DMD: variants seen among roughly 807,000 people sequenced by gnomAD.
The protein encoded by DMD is dystrophin.
A neutral mutation model predicts 330.1 loss-of-function variants in DMD; 63 were observed. The observed-to-expected ratio is 0.19, with a 90% CI of 0.16 to 0.24. The LOEUF (loss-of-function observed/expected upper bound fraction) is 0.24, where lower values mean the gene tolerates loss of function less well. Among genes scored for constraint, DMD ranks in the 10% least tolerant of loss-of-function variants. The pLI is 1.00. For missense variants in DMD, 3,344 were observed against 2,684.1 expected (o/e 1.25, Z -5.43); for synonymous variants, 1,223 against 959.8 (o/e 1.27, Z -5.07).
At chrX:31,626,694 C>T (rs1260031114) in intron 55 of DMD, among the ~76,000 whole-genome samples, 33 of 111,036 alleles carry the variant, frequency 3.0e-4, no homozygotes, top group Non-Finnish European at 1.1e-4. Context: ...AGAAGGAGAA[C>T]GATAGGAGGG....
intron 4 of DMD, among the ~76,000 whole-genome samples, chrX:32,841,174 G>A (rs977345655): frequency 1.8e-5 from 2 of 110,579 alleles, no homozygotes; most frequent in East Asian, 2.8e-4. Flanking sequence ...TATGATTCTT[G>A]AATTTGTGAA....
intron 7 of DMD, among the ~76,000 whole-genome samples, chrX:32,729,227 CGTAT>C (rs2067243190): frequency 1.8e-5 from 2 of 111,503 alleles, no homozygotes; most frequent in African/African-American, 6.5e-5. Flanking sequence ...ATGCTCAACT[CGTAT>C]GTATAATAAA....
At chrX:32,300,039 A>G (rs1452641905) in intron 42 of DMD, among the ~76,000 whole-genome samples, 2 of 111,932 alleles carry the variant, frequency 1.8e-5, no homozygotes, top group Admixed American at 1.9e-4. Context: ...TGTATATTCA[A>G]TAATGTTATC....
intron 42 of DMD, among the ~76,000 whole-genome samples, chrX:32,297,435 G>A (rs1384916921): frequency 2.7e-5 from 3 of 109,168 alleles, no homozygotes; most frequent in African/African-American, 6.7e-5. Context: ...CACCATGCCC[G>A]GCTAATTTTT....
At chrX:32,126,756 G>C (rs1432915609) in intron 44 of DMD, among the ~76,000 whole-genome samples, 1 of 111,860 alleles carries the variant, frequency 8.9e-6, no homozygotes, top group Non-Finnish European at 1.9e-5. Flanking sequence ...TGAGCACAAA[G>C]ATAAGTTGTG....
intron 30 of DMD, among the ~76,000 whole-genome samples, chrX:32,394,695 T>C (rs778746098): frequency 9.1e-6 from 1 of 109,725 alleles, no homozygotes; most frequent in East Asian, 2.9e-4. Flanking sequence ...TCAATAGCAA[T>C]TGTGGAGACT....
rs191423269 is a variant in DMD at position 33,015,193 on chromosome X, C to T, written c.93+4946G>A. 7.3e-4 allele frequency among the ~76,000 whole-genome samples: 78 copies of T among 106,198 alleles called. 1 individual carries two copies. In the East Asian group the frequency reaches 0.019, roughly 26 times the overall value. The allele number at this position is 106,198 out of a possible 115,157, so 92.2% of individuals were successfully genotyped here. A position where few individuals can be genotyped will look rare whatever the true frequency, so the allele number is the denominator to read the frequency against. ...TGTACCCAGAGAAATATAAATCATTCTATTATAAGACACGCATACATATGT... is the reference window on the plus strand; with the variant it reads ...TGTACCCAGAGAAATATAAATCATTTTATTATAAGACACGCATACATATGT... On this transcript the variant is annotated intron_variant, in intron 2 of 78. Coordinates refer to ENST00000357033, the MANE Select transcript of DMD (RefSeq NM_004006.3).
intron 17 of DMD, among the ~76,000 whole-genome samples, chrX:32,528,296 G>A (rs1007917099): frequency 1.8e-5 from 2 of 110,025 alleles, no homozygotes; most frequent in African/African-American, 6.6e-5. Context: ...GCAACAGAAC[G>A]AGACTCAGTC....
At chrX:31,485,581 C>T (rs1254633525) in intron 57 of DMD, among the ~76,000 whole-genome samples, 1 of 111,280 alleles carries the variant, frequency 9.0e-6, no homozygotes, top group Admixed American at 9.6e-5. Context: ...TAGCTCAGAA[C>T]CACGTATGGA....
At chrX:32,034,639 T>G (rs765239833) in intron 44 of DMD, among the ~76,000 whole-genome samples, 2 of 111,456 alleles carry the variant, frequency 1.8e-5, no homozygotes, top group Admixed American at 9.5e-5. Flanking sequence ...CATACTAAGA[T>G]CTAATACAGT....
At chrX:32,624,316 A>T in intron 11 of DMD, among the ~76,000 whole-genome samples, 1 of 111,683 alleles carries the variant, frequency 9.0e-6, no homozygotes, top group Non-Finnish European at 1.9e-5. Flanking sequence ...TGGTCCTGAC[A>T]GTAGGTATAG....
intron 2 of DMD, among the ~76,000 whole-genome samples, chrX:32,883,292 T>C (rs941084564): frequency 6.3e-5 from 7 of 111,919 alleles, no homozygotes; most frequent in Admixed American, 2.9e-4. Context: ...GAACGGCAAT[T>C]GTGTAACTTA....
At chrX:31,229,222 A>G (rs1387091958) in intron 63 of DMD, among the ~76,000 whole-genome samples, 1 of 112,350 alleles carries the variant, frequency 8.9e-6, no homozygotes, top group Non-Finnish European at 1.9e-5. Flanking sequence ...GAAACACCTC[A>G]GCATTTTAAA....
intron 62 of DMD, among the ~76,000 whole-genome samples, chrX:31,300,198 T>C: frequency 8.9e-6 from 1 of 112,313 alleles, no homozygotes; most frequent in Non-Finnish European, 1.9e-5. Flanking sequence ...AATCATTTTA[T>C]GTCATTGGTG....
intron 60 of DMD, among the ~76,000 whole-genome samples, chrX:31,367,192 C>CG (rs1480134097): frequency 1.8e-5 from 2 of 111,100 alleles, no homozygotes; most frequent in South Asian, 7.7e-4. Context: ...ATAAAATAAC[C>CG]GGGGGAAAAT....
intron 54 of DMD, among the ~76,000 whole-genome samples, chrX:31,649,579 G>C (rs1486642080): frequency 9.3e-6 from 1 of 107,543 alleles, no homozygotes; most frequent in Non-Finnish European, 1.9e-5. Flanking sequence ...AGAATGCAGA[G>C]AATTTTTTTT....
chrX:31,514,493 A>C (rs1329842508), intron 55 of DMD, among the ~76,000 whole-genome samples: 2 of 111,918 alleles, frequency 1.8e-5, no homozygotes, highest in Non-Finnish European at 3.8e-5. Context: ...AGTGCAGTTA[A>C]ATAGACATAG....
chrX:31,847,589 T>C (rs937980525), intron 48 of DMD, among the ~76,000 whole-genome samples: 3 of 111,712 alleles, frequency 2.7e-5, no homozygotes, highest in Non-Finnish European at 5.7e-5. Flanking sequence ...TGTAAGAAAC[T>C]GACAATTATC....
In DMD at chrX:32,045,341, G is replaced by GTTTTTTTT. The variant is rs768612902; in HGVS notation, c.6439-76828_6439-76827insAAAAAAAA. 4.1e-5 allele frequency among the ~76,000 whole-genome samples: 4 copies of GTTTTTTTT among 97,364 alleles called. 2 individuals carry two copies. Among genetic ancestry groups the GTTTTTTTT allele is most frequent in the Non-Finnish European group, 4.0e-5 (2 of 49,583 alleles). The allele number at this position is 97,364 out of a possible 115,157, so 84.5% of individuals were successfully genotyped here. A position where few individuals can be genotyped will look rare whatever the true frequency, so the allele number is the denominator to read the frequency against. ...TAGCAGCTGAGTTCTTGAGCGATCT[G>GTTTTTTTT]TTTTGTTTTTTTTTTTTTTAAATGT... is the stretch of plus-strand genomic sequence containing the variant. On this transcript the variant is annotated intron_variant, in intron 44 of 78. Transcript: ENST00000357033.
Sources: allele counts gnomAD v4.1 joint callset (sites outside exome capture counted in the v4.1 genomes callset), GRCh38; gene constraint gnomAD v4.1.1; transcripts MANE v1.5; gene names NCBI Gene and HGNC (gene_info 2026-07-23, HGNC 2026-07-21).